The following ARHGAP26 variants were observed in gnomAD, a reference collection of about 807,000 sequenced individuals.
ARHGAP26 encodes rho GTPase-activating protein 26.
In ARHGAP26, 38 loss-of-function variants were observed where a neutral mutation model predicts 104.8. The observed-to-expected ratio is 0.36, with a 90% CI of 0.28 to 0.48. ARHGAP26 has a LOEUF of 0.48. Among genes scored for constraint, ARHGAP26 ranks in the 20% least tolerant of loss-of-function variants. ARHGAP26 has a pLI of 0.99. For synonymous variants in ARHGAP26, 341 were observed against 340.0 expected, an observed-to-expected ratio of 1.00 and a Z score of -0.03; for missense variants, 704 against 947.9, an observed-to-expected ratio of 0.74 and a Z score of 3.38.
chr5:142,888,188 A>G (rs1757992631), intron 5 of ARHGAP26, among the ~76,000 whole-genome samples: 1 of 152,220 alleles, frequency 6.6e-6, no homozygotes, highest in Non-Finnish European at 1.5e-5. Context: ...CACATGAGGA[A>G]ACTGAGGCTC....
At chr5:142,865,139 C>G (rs1016088998) in intron 1 of ARHGAP26, among the ~76,000 whole-genome samples, 1 of 152,230 alleles carries the variant, frequency 6.6e-6, no homozygotes, top group African/African-American at 2.4e-5. Flanking sequence ...GTTCTAAATA[C>G]AGTACCTCAG....
At chr5:143,122,159 TCTC>T in intron 18 of ARHGAP26, among the ~76,000 whole-genome samples, 1 of 152,162 alleles carries the variant, frequency 6.6e-6, no homozygotes, top group East Asian at 1.9e-4. Flanking sequence ...GTATCAGTTT[TCTC>T]CTAAGAATTA....
chr5:142,934,398 G>A (rs1398993372), intron 11 of ARHGAP26, among the ~76,000 whole-genome samples: 1 of 152,194 alleles, frequency 6.6e-6, no homozygotes, highest in Non-Finnish European at 1.5e-5. Context: ...GGAACATATA[G>A]CTTGCACTGA....
At chr5:142,800,737 C>T (rs1216220117) in intron 1 of ARHGAP26, among the ~76,000 whole-genome samples, 5 of 152,146 alleles carry the variant, frequency 3.3e-5, no homozygotes, top group Admixed American at 6.5e-5. Context: ...AGTAGTTTCC[C>T]GGCTTTCCAC....
intron 1 of ARHGAP26, among the ~76,000 whole-genome samples, chr5:142,859,204 G>A (rs185011936): frequency 4.7e-4 from 71 of 152,266 alleles, no homozygotes; most frequent in Admixed American, 1.7e-3. Flanking sequence ...GAGGGAAGCG[G>A]GGAGGCCAAT....
chr5:143,005,050 C>T (rs1777741595), intron 11 of ARHGAP26, among the ~76,000 whole-genome samples: 1 of 152,024 alleles, frequency 6.6e-6, no homozygotes, highest in East Asian at 1.9e-4. Context: ...TCTAGAGTTC[C>T]CTATAAAGCA....
At chr5:143,139,689 C>T (rs561395287) in intron 19 of ARHGAP26, among the ~76,000 whole-genome samples, 1 of 152,316 alleles carries the variant, frequency 6.6e-6, no homozygotes, top group South Asian at 2.1e-4. Context: ...AAGCCACTCA[C>T]GCTCATTTGC....
intron 1 of ARHGAP26, chr5:142,772,594 A>G: frequency 2.5e-6 from 1 of 394,844 alleles, no homozygotes; most frequent in Non-Finnish European, 5.0e-6. Flanking sequence ...ACTGCTTCAC[A>G]TATAATTATC....
At chr5:143,053,212 T>A (rs1785289081) in intron 14 of ARHGAP26, among the ~76,000 whole-genome samples, 1 of 152,170 alleles carries the variant, frequency 6.6e-6, no homozygotes, top group Admixed American at 6.5e-5. Context: ...TTGGGCAGGC[T>A]TAGGTCTTGG....
intron 8 of ARHGAP26, 110 bp from the exon 9 acceptor site, chr5:142,907,594 A>C (rs1192014802): frequency 7.2e-6 from 4 of 555,346 alleles, no homozygotes; most frequent in Non-Finnish European, 1.3e-5. Context: ...AACATAGTTT[A>C]AGGGTAGGGT....
intron 10 of ARHGAP26, among the ~76,000 whole-genome samples, chr5:142,929,372 G>A (rs770326115): frequency 1.3e-5 from 2 of 152,194 alleles, no homozygotes; most frequent in African/African-American, 2.4e-5. Context: ...TATTGTATAG[G>A]AACTGACATG....
chr5:143,225,010 G>A lies in ARHGAP26; in HGVS notation c.*2564G>A, dbSNP rs903203046. On this transcript the variant is annotated 3_prime_UTR_variant, in exon 23 of 23. Transcript: ENST00000645722. ...CAGGACCAAGACAGAACTCAAGAAA[G>A]CCACTGGGGAAAACTCGAGAAGAAA... 4.5e-5 allele frequency: 10 copies of A among 223,222 alleles called. No homozygotes were observed. The highest frequency in any genetic ancestry group is 2.2e-4 in the African/African-American group (10 of 44,770). 13.8% of individuals were successfully genotyped at this position (223,222 alleles called of 1,614,324 possible). A position where few individuals can be genotyped will look rare whatever the true frequency, so the allele number is the denominator to read the frequency against.
At chr5:143,093,066 T>C (rs1464542826) in intron 17 of ARHGAP26, among the ~76,000 whole-genome samples, 1 of 152,226 alleles carries the variant, frequency 6.6e-6, no homozygotes, top group Non-Finnish European at 1.5e-5. Context: ...AGGGAATTTT[T>C]AGTGGTTAAT....
intron 11 of ARHGAP26, among the ~76,000 whole-genome samples, chr5:142,988,967 G>A (rs1775192390): frequency 6.6e-6 from 1 of 152,222 alleles, no homozygotes; most frequent in African/African-American, 2.4e-5. Flanking sequence ...TGTATATTCT[G>A]TTGATTTGGG....
At chr5:143,141,547 A>T (rs1272302897) in intron 19 of ARHGAP26, among the ~76,000 whole-genome samples, 1 of 152,222 alleles carries the variant, frequency 6.6e-6, no homozygotes, top group African/African-American at 2.4e-5. Flanking sequence ...TTAAGTTATT[A>T]AAAACAAAAC....
intron 21 of ARHGAP26, among the ~76,000 whole-genome samples, chr5:143,211,009 AT>A (rs1055333877): frequency 6.6e-5 from 10 of 152,082 alleles, no homozygotes; most frequent in Admixed American, 5.2e-4. Flanking sequence ...TTTTTATTTT[AT>A]TTTTTTATCA....
chr5:143,097,260 G>A (rs1057370100), intron 17 of ARHGAP26, among the ~76,000 whole-genome samples: 5 of 150,288 alleles, frequency 3.3e-5, no homozygotes, highest in African/African-American at 9.8e-5. Context: ...CAGGAGGACC[G>A]CTTGAACCTG....
intron 20 of ARHGAP26, among the ~76,000 whole-genome samples, chr5:143,156,515 C>CTATAGG (rs1800479528): frequency 1.3e-5 from 2 of 152,144 alleles, no homozygotes. Flanking sequence ...CACCCTAGAC[C>CTATAGG]TATAGGATCA....
chr5:142,983,249 C>G (rs1449773976), intron 11 of ARHGAP26, among the ~76,000 whole-genome samples: 2 of 152,200 alleles, frequency 1.3e-5, no homozygotes, highest in Non-Finnish European at 2.9e-5. Flanking sequence ...ACTCTGTCAC[C>G]TGACTGGAGT....
Sources: gnomAD v4.1 joint callset for allele counts (sites outside exome capture counted in the v4.1 genomes callset) on GRCh38, gnomAD v4.1.1 for gene constraint, MANE v1.5 for transcripts, NCBI Gene and HGNC (gene_info 2026-07-23, HGNC 2026-07-21) for gene names.